Variants in EFNA5 observed in about 807,000 individuals in gnomAD.
The protein encoded by EFNA5 is ephrin-A5.
Under a neutral mutation model 22.9 loss-of-function variants are expected in EFNA5, and 5 were observed. The observed-to-expected ratio is 0.22, with a 90% CI of 0.11 to 0.46. The LOEUF is 0.46. Among genes scored for constraint, EFNA5 ranks in the 20% least tolerant of loss-of-function variants. The probability of loss-of-function intolerance (pLI) is 0.99; values close to 1 mark genes in which losing one functional copy is unlikely to be tolerated. For synonymous variants in EFNA5, 113 were observed against 112.2 expected (o/e 1.01, Z -0.04); for missense variants, 237 against 293.3 (o/e 0.81, Z 1.40).
chr5:107,504,118 G>C (rs1304798664), intron 1 of EFNA5, among the ~76,000 whole-genome samples: 1 of 152,052 alleles, frequency 6.6e-6, no homozygotes, highest in Non-Finnish European at 1.5e-5. Context: ...TTTGTTGTAA[G>C]GAACTCTGCC....
intron 2 of EFNA5, among the ~76,000 whole-genome samples, chr5:107,390,416 C>T (rs1334888488): frequency 6.6e-6 from 1 of 151,972 alleles, no homozygotes; most frequent in Non-Finnish European, 1.5e-5. Flanking sequence ...CACAAGTAAA[C>T]AAAAGGCAGA....
chr5:107,659,740 T>C (rs1056797092), intron 1 of EFNA5, among the ~76,000 whole-genome samples: 1 of 152,094 alleles, frequency 6.6e-6, no homozygotes, highest in Admixed American at 6.6e-5. Flanking sequence ...ATATATGTAT[T>C]GATAACAAGA....
intron 2 of EFNA5, among the ~76,000 whole-genome samples, chr5:107,410,238 G>A (rs568602888): frequency 1.3e-5 from 2 of 151,916 alleles, no homozygotes; most frequent in African/African-American, 2.4e-5. Flanking sequence ...CACCATGTTA[G>A]CCAGGATGGT....
intron 1 of EFNA5, among the ~76,000 whole-genome samples, chr5:107,474,741 T>C (rs1750233370): frequency 6.6e-6 from 1 of 152,144 alleles, no homozygotes; most frequent in Non-Finnish European, 1.5e-5. Context: ...TCTTGTTAAA[T>C]ATTTTTAGCA....
intron 1 of EFNA5, among the ~76,000 whole-genome samples, chr5:107,636,252 A>G (rs78617075): frequency 6.6e-6 from 1 of 151,786 alleles, no homozygotes. Context: ...GTTAAATGAG[A>G]AAAAAAAAGT....
At chr5:107,440,674 C>T (rs548669868) in intron 1 of EFNA5, among the ~76,000 whole-genome samples, 45 of 152,316 alleles carry the variant, frequency 3.0e-4, no homozygotes, top group Admixed American at 5.2e-4. Context: ...TCACGACGTA[C>T]ACATTAACAT....
At chr5:107,451,831 C>T (rs1181722073) in intron 1 of EFNA5, among the ~76,000 whole-genome samples, 1 of 152,138 alleles carries the variant, frequency 6.6e-6, no homozygotes, top group Non-Finnish European at 1.5e-5. Context: ...CCTCAAGGAC[C>T]TGGAACCAGA....
chr5:107,557,609 C>T (rs959852616), intron 1 of EFNA5, among the ~76,000 whole-genome samples: 2 of 152,214 alleles, frequency 1.3e-5, no homozygotes, highest in Non-Finnish European at 2.9e-5. Flanking sequence ...TTCTTCTACA[C>T]GCTGCCGGCT....
At chr5:107,598,523 A>G (rs965497426) in intron 1 of EFNA5, among the ~76,000 whole-genome samples, 2 of 152,218 alleles carry the variant, frequency 1.3e-5, no homozygotes, top group African/African-American at 4.8e-5. Flanking sequence ...AATAAGAAAC[A>G]AAAGAAAGAC....
At chr5:107,417,843 G>T (rs994151101) in intron 2 of EFNA5, among the ~76,000 whole-genome samples, 4 of 152,134 alleles carry the variant, frequency 2.6e-5, no homozygotes, top group African/African-American at 7.2e-5. Context: ...CTGCTGTAAG[G>T]CTGTATGACA....
chr5:107,643,018 G>T (rs1306684921), intron 1 of EFNA5, among the ~76,000 whole-genome samples: 1 of 151,062 alleles, frequency 6.6e-6, no homozygotes, highest in Admixed American at 6.6e-5. Context: ...TTGAGTCTCA[G>T]AACTAAATTT....
chr5:107,486,518 A>C lies in EFNA5; in HGVS notation c.126-59009T>G, dbSNP rs138582126. On this transcript the variant is annotated intron_variant, in intron 1 of 4. Coordinates refer to ENST00000333274, the MANE Select transcript of EFNA5 (RefSeq NM_001962.3). ...AGGCTATAAAAGATAAAAGAAAGAC[A>C]TCAGTTTATAGAGTTCACCCATATC... Among the ~76,000 whole-genome samples the C allele has an allele frequency of 6.7e-3, 1,027 of 152,304 alleles. 9 individuals are homozygous for C. Among genetic ancestry groups the C allele is most frequent in the Middle Eastern group, 0.024 (7 of 294 alleles).
At chr5:107,418,014 T>C (rs1263194036) in intron 2 of EFNA5, among the ~76,000 whole-genome samples, 2 of 152,238 alleles carry the variant, frequency 1.3e-5, no homozygotes, top group Non-Finnish European at 2.9e-5. Flanking sequence ...TGTGTGTATG[T>C]ATCTTGTGGA....
chr5:107,422,248 C>T (rs771787535), intron 2 of EFNA5, among the ~76,000 whole-genome samples: 2 of 152,130 alleles, frequency 1.3e-5, no homozygotes, highest in East Asian at 1.9e-4. Flanking sequence ...TTTCAGATGG[C>T]GCCTGGAACA....
intron 2 of EFNA5, among the ~76,000 whole-genome samples, chr5:107,407,976 C>G (rs1748266719): frequency 6.6e-6 from 1 of 152,156 alleles, no homozygotes; most frequent in Non-Finnish European, 1.5e-5. Flanking sequence ...CTTTATGATT[C>G]TATTTCCAGA....
chr5:107,613,541 T>G (rs1261913171), intron 1 of EFNA5, among the ~76,000 whole-genome samples: 1 of 152,090 alleles, frequency 6.6e-6, no homozygotes, highest in East Asian at 1.9e-4. Context: ...ATCATGCTTC[T>G]AGAGTGAAAT....
At chr5:107,580,721 C>CAAAAAAA (rs56868732) in intron 1 of EFNA5, among the ~76,000 whole-genome samples, 4 of 83,626 alleles carry the variant, frequency 4.8e-5, no homozygotes, top group Middle Eastern at 5.5e-3. Context: ...GACTCCATCT[C>CAAAAAAA]AAAAAAAAAA....
chr5:107,471,724 T>C (rs1198581062), intron 1 of EFNA5, among the ~76,000 whole-genome samples: 1 of 152,204 alleles, frequency 6.6e-6, no homozygotes, highest in Non-Finnish European at 1.5e-5. Flanking sequence ...GGACCATGGA[T>C]TGTGATTATT....
chr5:107,541,418 A>G (rs1345764830), intron 1 of EFNA5, among the ~76,000 whole-genome samples: 1 of 152,236 alleles, frequency 6.6e-6, no homozygotes, highest in Admixed American at 6.5e-5. Flanking sequence ...AATCAGAAAA[A>G]TGTAATCGAA....
Sources: allele counts gnomAD v4.1 joint callset (sites outside exome capture counted in the v4.1 genomes callset), GRCh38; gene constraint gnomAD v4.1.1; transcripts MANE v1.5; gene names NCBI Gene and HGNC (gene_info 2026-07-23, HGNC 2026-07-21).